The following DGKQ variants were observed in gnomAD, a reference collection of about 807,000 sequenced individuals.
DGKQ encodes the protein diacylglycerol kinase theta.
Under a neutral mutation model 104.2 loss-of-function variants are expected in DGKQ, and 97 were observed. That is an observed-to-expected ratio of 0.93 (90% CI 0.79 to 1.10). The LOEUF (loss-of-function observed/expected upper bound fraction) is 1.10. Ranked by LOEUF, DGKQ falls within the 50% of genes least tolerant of loss-of-function variation. DGKQ has a pLI of 0.00. For missense variants in DGKQ, 1,465 were observed against 1,352.1 expected (o/e 1.08, Z -1.31); for synonymous variants, 736 against 595.2 (o/e 1.24, Z -3.44).
At chr4:962,165 G>A (rs1173547434) in intron 18 of DGKQ, 83 bp from the exon 19 acceptor site, 4 of 1,287,244 alleles carry the variant, frequency 3.1e-6, no homozygotes, top group Non-Finnish European at 4.4e-6. Context: ...CCGGCAGGCA[G>A]AGACAAGAGC....
At chr4:970,928 C>T (rs1354282981) in intron 2 of DGKQ, 65 bp downstream of exon 2, 2 of 1,311,046 alleles carry the variant, frequency 1.5e-6, no homozygotes, top group Non-Finnish European at 2.1e-6. Context: ...TTCAGTGCCT[C>T]GACCCTACGA....
rs1712895950 is a variant in DGKQ at position 971,106 on chromosome 4, G to A, written c.272-34C>T. 1.3e-6 allele frequency: 2 copies of A among 1,509,550 alleles called. No homozygotes were observed. Among genetic ancestry groups the A allele is most frequent in the Non-Finnish European group, 1.8e-6 (2 of 1,109,872 alleles). The allele number at this position is 1,509,550 out of a possible 1,614,324, so 93.5% of individuals were successfully genotyped here. On this transcript the variant is annotated intron_variant, in intron 1 of 22. Transcript: ENST00000273814. The surrounding 1 kb of genome is among the most constrained non-coding windows in gnomAD (Gnocchi z 4.0). ...ATGAGCACTGTGTGAGTTGGCCCCT[G>A]TCCTACCCAATGGCTGTCCTACCCA... is the stretch of plus-strand genomic sequence containing the variant.
In DGKQ at chr4:961,588, A is replaced by G. The variant is rs746776483; in HGVS notation, c.2463-10T>C. On this transcript the variant is annotated splice_polypyrimidine_tract_variant and intron_variant, in intron 20 of 22. Transcript: ENST00000273814. ...GGCCCCCGAGCCCCAGCTGCCGCAT[A>G]AGAGAGCGGGCACAGAGGTGTAGGT... 3.7e-6 allele frequency: 6 copies of G among 1,609,800 alleles called. No individual in the cohort carries two copies. Among genetic ancestry groups the G allele is most frequent in the South Asian group, 1.1e-5 (1 of 90,824 alleles).
Position 960,661 on chromosome 4 carries a change from G to T in DGKQ, c.2788C>A (p.Arg930=). ...TCAGGGGCAGGCGCAGCATCCGCCC[G>T]GGCATCCCTGGTGGTCCCGGCCCTC... ...PRRAGTTRDA[R]ADAAPAPESD... Residue 930 remains arginine, a synonymous_variant, in exon 23 of 23, where the codon CGG becomes AGG. Coordinates refer to ENST00000273814, the MANE Select transcript of DGKQ (RefSeq NM_001347.4). 1 of 1,612,226 alleles carries T rather than the reference G, an allele frequency of 6.2e-7. No individual in the cohort carries two copies. Among genetic ancestry groups the T allele is most frequent in the Admixed American group, 1.7e-5 (1 of 60,016 alleles).
intron 14 of DGKQ, 77 bp from the exon 15 acceptor site, chr4:965,368 C>T (rs550473253): frequency 2.8e-5 from 43 of 1,563,190 alleles, no homozygotes; most frequent in East Asian, 2.5e-4. Flanking sequence ...CAAACCAGGA[C>T]GTTTCCCCAG....
At chr4:972,037 T>A (rs937863710) in intron 1 of DGKQ, among the ~76,000 whole-genome samples, 1 of 149,408 alleles carries the variant, frequency 6.7e-6, no homozygotes, top group Non-Finnish European at 1.5e-5. Context: ...AGCACCCAGG[T>A]CCCTCCTCTG....
At chr4:963,645 T>A in intron 15 of DGKQ, among the ~76,000 whole-genome samples, 1 of 152,220 alleles carries the variant, frequency 6.6e-6, no homozygotes, top group Non-Finnish European at 1.5e-5. Flanking sequence ...TGCGTGGCAC[T>A]CTGTGCCAGC....
chr4:966,343 C>T, intron 12 of DGKQ, 123 bp downstream of exon 12: 1 of 1,137,630 alleles, frequency 8.8e-7, no homozygotes, highest in Non-Finnish European at 1.3e-6. Context: ...GCTGCCCTGT[C>T]AGCCAGGACA....
At position 971,749 on chromosome 4, in the gene DGKQ, A is replaced by G. The variant is rs1448790596; in HGVS notation, c.272-677T>C. Among the ~76,000 whole-genome samples, 1 of 151,812 alleles carries G rather than the reference A, an allele frequency of 6.6e-6. No homozygotes were observed. The highest frequency in any genetic ancestry group is 2.4e-5 in the African/African-American group (1 of 41,326). ...GGCCGGGGCAGAAGGGAGGGCAGGA[A>G]CCCTGGGCTGGGGCAAAGGCTGCGG... is the stretch of plus-strand genomic sequence containing the variant. On this transcript the variant is annotated intron_variant, in intron 1 of 22. Transcript: ENST00000273814. The surrounding 1 kb of genome is among the most constrained non-coding windows in gnomAD (Gnocchi z 4.0).
chr4:973,530 A>T lies in DGKQ; in HGVS notation c.-48T>A. The stretch of plus-strand genomic sequence containing the variant: ...CCCTTTAGGTCCGCGCCGGGGGTAC[A>T]GGAGCCGCCGCTCCACGGCCCGGTA... On this transcript the variant is annotated 5_prime_UTR_variant, in exon 1 of 23. Coordinates refer to ENST00000273814, the MANE Select transcript of DGKQ (RefSeq NM_001347.4). 1 of 982,668 alleles carries T rather than the reference A, an allele frequency of 1.0e-6. No individual in the cohort carries two copies. The highest frequency in any genetic ancestry group is 1.2e-6 in the Non-Finnish European group (1 of 828,676). The allele number at this position is 982,668 out of a possible 1,614,324, so 60.9% of individuals were successfully genotyped here.
chr4:961,278 G>T (rs1711861937), intron 21 of DGKQ, 77 bp from the exon 22 acceptor site: 1 of 1,337,712 alleles, frequency 7.5e-7, no homozygotes, highest in Non-Finnish European at 9.9e-7. Flanking sequence ...GGCGGGAGAG[G>T]CCAGCCGAGC....
At chr4:965,315 G>A in intron 14 of DGKQ, 24 bp from the exon 15 acceptor site, 1 of 1,605,582 alleles carries the variant, frequency 6.2e-7, no homozygotes, top group Non-Finnish European at 8.5e-7. Flanking sequence ...CCAGGACTCA[G>A]GGGGAGCCTG....
At chr4:968,455 G>C in intron 4 of DGKQ, 24 bp downstream of exon 4, 1 of 1,596,550 alleles carries the variant, frequency 6.3e-7, no homozygotes, top group East Asian at 2.3e-5. Flanking sequence ...ACCCCCCAGG[G>C]CTCCCTGGGG....
At chr4:963,062 C>A in intron 16 of DGKQ, 77 bp downstream of exon 16, 1 of 1,504,386 alleles carries the variant, frequency 6.6e-7, no homozygotes, top group Non-Finnish European at 8.9e-7. Flanking sequence ...TCCTGCCGGC[C>A]GAGACAGCTG....
At chr4:967,394 T>TG (rs761860841) in intron 8 of DGKQ, 33 bp from the exon 9 acceptor site, 6 of 526,116 alleles carry the variant, frequency 1.1e-5, no homozygotes, top group Middle Eastern at 5.1e-4. Context: ...GGCCAAGTTG[T>TG]GGGGGGTCAG....
Position 967,372 on chromosome 4 carries a change from C to T in DGKQ, c.988-11G>A. The T allele has an allele frequency of 1.3e-6, 2 of 1,526,992 alleles. No individual in the cohort carries two copies. The highest frequency in any genetic ancestry group is 1.8e-6 in the Non-Finnish European group (2 of 1,141,314). The allele number at this position is 1,526,992 out of a possible 1,614,324, so 94.6% of individuals were successfully genotyped here. A position where few individuals can be genotyped will look rare whatever the true frequency, so the allele number is the denominator to read the frequency against. On this transcript the variant is annotated splice_polypyrimidine_tract_variant and intron_variant, in intron 8 of 22. Transcript: ENST00000273814. ...CCGCAGTGCGGCCTCCTGCAGGGCA[C>T]CAGGTTAGAGGGGCCAAGTTGTGGG...
In DGKQ at chr4:968,396, G is replaced by A. The variant is rs748541381; in HGVS notation, c.549C>T (p.His183=). The change falls in exon 5 of 23, where the codon CAC becomes CAT. Residue 183 remains histidine, a synonymous_variant. Coordinates refer to ENST00000273814, the MANE Select transcript of DGKQ (RefSeq NM_001347.4). ...GCAGGTTCCCCTCCCGCCAGTGGTG[G>A]TGATGGGTGTCCTGCAGAGCGGGGG... ...QDGHQDHDTH[H]HHWREGNLPS... 3.8e-6 allele frequency: 6 copies of A among 1,576,674 alleles called. No homozygotes were observed. The highest frequency in any genetic ancestry group is 2.3e-5 in the South Asian group (2 of 86,726).
At position 971,090 on chromosome 4, in the gene DGKQ, G is replaced by C. The variant is rs1712893828; in HGVS notation, c.272-18C>G. 3 of 1,547,682 alleles carry C rather than the reference G, an allele frequency of 1.9e-6. No homozygotes were observed. Among genetic ancestry groups the C allele is most frequent in the Non-Finnish European group, 2.6e-6 (3 of 1,143,032 alleles). On this transcript the variant is annotated intron_variant, in intron 1 of 22. Coordinates refer to ENST00000273814, the MANE Select transcript of DGKQ (RefSeq NM_001347.4). This position sits in a 1 kb window ranked among gnomAD's most constrained non-coding sequence, Gnocchi z 4.0. ...ATTGCAGACTGTGGGAATGAGCACTGTGTGAGTTGGCCCCTGTCCTACCCA... is the reference window on the plus strand; with the variant it reads ...ATTGCAGACTGTGGGAATGAGCACTCTGTGAGTTGGCCCCTGTCCTACCCA...
intron 12 of DGKQ, 140 bp downstream of exon 12, chr4:966,326 C>A (rs375027309): frequency 2.0e-6 from 2 of 990,100 alleles, no homozygotes; most frequent in African/African-American, 1.6e-5. Context: ...TAGCTCATGA[C>A]GAGGGCGCTG....
Sources: gnomAD v4.1 joint callset for allele counts (sites outside exome capture counted in the v4.1 genomes callset) on GRCh38, gnomAD v4.1.1 for gene constraint, Gnocchi (gnomAD v3.1) non-coding constraint, MANE v1.5 for transcripts, NCBI Gene and HGNC (gene_info 2026-07-23, HGNC 2026-07-21) for gene names.